TMEM131: variants seen among roughly 807,000 people sequenced by gnomAD.
TMEM131 encodes 2610524E03Rik.
Under a neutral mutation model 211.6 loss-of-function variants are expected in TMEM131, and 66 were observed. The ratio of observed to expected loss-of-function variants is 0.31; its 90% confidence interval spans 0.26 to 0.38. TMEM131 has a LOEUF of 0.38. Among genes scored for constraint, TMEM131 ranks in the 10% least tolerant of loss-of-function variants. The pLI is 1.00. For missense variants in TMEM131, 2,036 were observed against 2,299.3 expected, an observed-to-expected ratio of 0.89 and a Z score of 2.34; for synonymous variants, 844 against 841.3, an observed-to-expected ratio of 1.00 and a Z score of -0.06.
intron 4 of TMEM131, among the ~76,000 whole-genome samples, chr2:97,886,355 T>C (rs527969485): frequency 6.6e-6 from 1 of 152,350 alleles, no homozygotes; most frequent in Admixed American, 6.5e-5. Flanking sequence ...TGTCCCCATG[T>C]TGATTTCTAT....
chr2:97,954,530 C>T (rs189851794), intron 1 of TMEM131, among the ~76,000 whole-genome samples: 5 of 152,256 alleles, frequency 3.3e-5, no homozygotes, highest in Admixed American at 6.5e-5. Flanking sequence ...CTCAGCCGGG[C>T]GCAGTGGCTC....
chr2:97,822,166 G>A (rs1173016872), intron 11 of TMEM131, among the ~76,000 whole-genome samples: 1 of 152,088 alleles, frequency 6.6e-6, no homozygotes, highest in Non-Finnish European at 1.5e-5. Flanking sequence ...TCTCCTATAA[G>A]AATGATTTCC....
chr2:97,801,930 A>C lies in TMEM131; in HGVS notation c.2683T>G (p.Leu895Val). 2 of 1,608,638 alleles carry C rather than the reference A, an allele frequency of 1.2e-6. No homozygotes were observed. The highest frequency in any genetic ancestry group is 8.5e-7 in the Non-Finnish European group (1 of 1,177,534). The change falls in exon 25 of 41, where the codon TTG becomes GTG. Residue 895 changes from leucine to valine, a missense_variant. Physicochemically the swap from Leu to Val is conservative, Grantham distance 32. Around this residue, in one of 3 missense-constraint regions of TMEM131, gnomAD observed 1,623 missense variants for 1,805.9 expected, o/e 0.90. Coordinates refer to ENST00000186436, the MANE Select transcript of TMEM131 (RefSeq NM_015348.2). ...FNLSKVAKIDLRTLEFQVFRN... is the reference protein window; with the variant it reads ...FNLSKVAKIDVRTLEFQVFRN... ...AAGACTTGAAATTCTAGTGTTCTCA[A>C]ATCTATCTTTGCCACCTTACTCAAG...
At chr2:97,762,340 T>C in intron 35 of TMEM131, 140 bp from the exon 36 acceptor site, 2 of 829,740 alleles carry the variant, frequency 2.4e-6, no homozygotes, top group Non-Finnish European at 3.7e-6. Flanking sequence ...AGATGTGTTC[T>C]GTTTAACAGG....
At chr2:97,941,158 G>C (rs1239992217) in intron 1 of TMEM131, among the ~76,000 whole-genome samples, 1 of 152,168 alleles carries the variant, frequency 6.6e-6, no homozygotes, top group Admixed American at 6.5e-5. Context: ...AGAGCCCTCA[G>C]AAATAATACA....
intron 23 of TMEM131, 30 bp downstream of exon 23, chr2:97,802,622 C>T: frequency 6.2e-7 from 1 of 1,609,488 alleles, no homozygotes; most frequent in Non-Finnish European, 8.5e-7. Flanking sequence ...GTATGTATTT[C>T]CAAAAACCAA....
At position 97,875,248 on chromosome 2, in the gene TMEM131, C is replaced by A. The variant is rs940299940; in HGVS notation, c.359+12804G>T. On this transcript the variant is annotated intron_variant, in intron 4 of 40. Coordinates refer to ENST00000186436, the MANE Select transcript of TMEM131 (RefSeq NM_015348.2). ...TTAGAGACCTACAAAGAGACTTAAA[C>A]TCCCACACAATCTAATAGTGGGAGA... Among the ~76,000 whole-genome samples the A allele has an allele frequency of 2.0e-5, 3 of 152,220 alleles. No individual in the cohort carries two copies. The East Asian group carries it at 5.8e-4, about 29-fold the overall frequency.
At chr2:97,782,269 T>C (rs1168170172) in intron 31 of TMEM131, among the ~76,000 whole-genome samples, 1 of 152,186 alleles carries the variant, frequency 6.6e-6, no homozygotes, top group African/African-American at 2.4e-5. Flanking sequence ...TCCCTGCCCT[T>C]GCGAGTCAAC....
chr2:97,875,425 GCAC>G (rs1411746229), intron 4 of TMEM131, among the ~76,000 whole-genome samples: 1 of 152,118 alleles, frequency 6.6e-6, no homozygotes, highest in Non-Finnish European at 1.5e-5. Context: ...ATTCTTCTCA[GCAC>G]CACATCACAC....
chr2:97,761,064 G>C (rs1559341157), intron 36 of TMEM131, 150 bp from the exon 37 acceptor site: 2 of 991,100 alleles, frequency 2.0e-6, no homozygotes, highest in Non-Finnish European at 3.0e-6. Context: ...ACATGCTCTG[G>C]GGCCTCAGAC....
At chr2:97,992,336 T>C (rs1288464456) in intron 1 of TMEM131, among the ~76,000 whole-genome samples, 1 of 152,236 alleles carries the variant, frequency 6.6e-6, no homozygotes, top group African/African-American at 2.4e-5. Flanking sequence ...AATACTTTTG[T>C]ACTGTGTTTT....
At chr2:97,991,949 G>A (rs756208617) in intron 1 of TMEM131, among the ~76,000 whole-genome samples, 5 of 152,138 alleles carry the variant, frequency 3.3e-5, no homozygotes, top group Admixed American at 2.0e-4. Flanking sequence ...GGAGGAAAAT[G>A]GTCATTAGCA....
intron 4 of TMEM131, among the ~76,000 whole-genome samples, chr2:97,881,622 A>AT (rs1674934453): frequency 6.6e-6 from 1 of 151,208 alleles, no homozygotes; most frequent in African/African-American, 2.4e-5. Context: ...ACCACAAGCA[A>AT]TAATAATGGA....
intron 40 of TMEM131, 149 bp downstream of exon 40, chr2:97,758,744 A>C (rs1678648625): frequency 9.6e-7 from 1 of 1,037,482 alleles, no homozygotes; most frequent in South Asian, 1.7e-5. Flanking sequence ...ATGAAGACAA[A>C]GCAATGGAGA....
chr2:97,879,500 AT>A (rs1363739820), intron 4 of TMEM131, among the ~76,000 whole-genome samples: 1 of 152,218 alleles, frequency 6.6e-6, no homozygotes, highest in Admixed American at 6.5e-5. Context: ...ATTACTATTA[AT>A]TTTCTCACAA....
intron 38 of TMEM131, 34 bp downstream of exon 38, chr2:97,760,559 C>T (rs760418524): frequency 1.5e-5 from 23 of 1,578,310 alleles, no homozygotes; most frequent in Admixed American, 1.8e-5. Context: ...AGAAGCCTTC[C>T]GTCTTTCTAG....
At chr2:97,963,763 T>C (rs1678922507) in intron 1 of TMEM131, among the ~76,000 whole-genome samples, 1 of 152,206 alleles carries the variant, frequency 6.6e-6, no homozygotes, top group African/African-American at 2.4e-5. Flanking sequence ...GCTAGAATAA[T>C]TTCCCTTTGT....
At chr2:97,871,600 C>A (rs1674491057) in intron 4 of TMEM131, among the ~76,000 whole-genome samples, 1 of 152,172 alleles carries the variant, frequency 6.6e-6, no homozygotes, top group Non-Finnish European at 1.5e-5. Context: ...CTCAACCGGT[C>A]CTGTGGCCCC....
In TMEM131 at chr2:97,888,107, G is replaced by C; in HGVS notation, c.304C>G (p.Arg102Gly). The change falls in exon 4 of 41, where the codon CGG becomes GGG. Residue 102 changes from arginine to glycine, a missense_variant. Around this residue, in one of 3 missense-constraint regions of TMEM131, gnomAD observed 277 missense variants for 378.0 expected, o/e 0.73. Coordinates refer to ENST00000186436, the MANE Select transcript of TMEM131 (RefSeq NM_015348.2). ...AATCGTATGGGCCTGCAATTCCCCC[G>C]GTAGAGAGATATACTGTAAATAAAA... ...SYQQKSISLY[R>G]GNCRPIRFEP... The C allele has an allele frequency of 6.2e-7, 1 of 1,612,950 alleles. No homozygotes were observed. Among genetic ancestry groups the C allele is most frequent in the South Asian group, 1.1e-5 (1 of 90,972 alleles).
Sources: gnomAD v4.1 joint callset for allele counts (sites outside exome capture counted in the v4.1 genomes callset) on GRCh38, gnomAD v4.1.1 for gene constraint, gnomAD v4.1.1 regional missense constraint, MANE v1.5 for transcripts, NCBI Gene and HGNC (gene_info 2026-07-23, HGNC 2026-07-21) for gene names.